TMPRSS15: variants seen among roughly 807,000 people sequenced by gnomAD.
The protein encoded by TMPRSS15 is transmembrane serine protease 15.
A neutral mutation model predicts 125.3 loss-of-function variants in TMPRSS15; 128 were observed. That is an observed-to-expected ratio of 1.02 (90% CI 0.89 to 1.18). The LOEUF (loss-of-function observed/expected upper bound fraction) is 1.18. Ranked by LOEUF, TMPRSS15 falls within the 50% of genes most tolerant of loss-of-function variation. The pLI, the probability that TMPRSS15 is intolerant of heterozygous loss-of-function variation, is 0.00. For synonymous variants in TMPRSS15, 446 were observed against 423.2 expected, an observed-to-expected ratio of 1.05 and a Z score of -0.66; for missense variants, 1,283 against 1,212.7, an observed-to-expected ratio of 1.06 and a Z score of -0.86.
At chr21:18,323,379 G>A (rs1228882893) in intron 16 of TMPRSS15, among the ~76,000 whole-genome samples, 2 of 152,128 alleles carry the variant, frequency 1.3e-5, no homozygotes, top group Non-Finnish European at 2.9e-5. Context: ...CATGGCAGCA[G>A]GCAAGAGAGA....
intron 3 of TMPRSS15, among the ~76,000 whole-genome samples, chr21:18,391,016 C>G (rs2075985996): frequency 1.3e-5 from 2 of 152,254 alleles, no homozygotes; most frequent in South Asian, 4.1e-4. Context: ...AACTCACACA[C>G]TGTCATGAGA....
In TMPRSS15 at chr21:18,352,907, A is replaced by G; in HGVS notation, c.1167T>C (p.Ala389=). The change falls in exon 10 of 25, where the codon GCT becomes GCC. Residue 389 remains alanine (A), a synonymous_variant. Coordinates refer to ENST00000284885, the MANE Select transcript of TMPRSS15 (RefSeq NM_002772.3). ...TCTGAATTAAATGAATTATACCTGAAGCATTGCCAAAAGTGTGGTCAAAAT... is the reference window on the plus strand; with the variant it reads ...TCTGAATTAAATGAATTATACCTGAGGCATTGCCAAAAGTGTGGTCAAAAT... ...GPNFDHTFGN[A]SGFYISTPTG... is the part of the protein sequence containing the mutation. 1 of 1,612,182 alleles carries G rather than the reference A, an allele frequency of 6.2e-7. No individual in the cohort carries two copies. Among genetic ancestry groups the G allele is most frequent in the Non-Finnish European group, 8.5e-7 (1 of 1,178,670 alleles).
chr21:18,320,218 T>C (rs1459175069), intron 16 of TMPRSS15, among the ~76,000 whole-genome samples: 1 of 152,098 alleles, frequency 6.6e-6, no homozygotes, highest in African/African-American at 2.4e-5. Flanking sequence ...GAAGTGTTTG[T>C]ATTCATATAT....
At chr21:18,470,173 G>GTTA (rs1476086064) in intron 1 of TMPRSS15, among the ~76,000 whole-genome samples, 2 of 152,012 alleles carry the variant, frequency 1.3e-5, no homozygotes, top group African/African-American at 4.8e-5. Flanking sequence ...TAATGAAGGT[G>GTTA]TTACTAAGGC....
intron 10 of TMPRSS15, among the ~76,000 whole-genome samples, chr21:18,346,417 A>T (rs1204141800): frequency 6.6e-6 from 1 of 152,142 alleles, no homozygotes; most frequent in Non-Finnish European, 1.5e-5. Context: ...ACCTATTATA[A>T]CTAATTTTGC....
At chr21:18,411,035 A>G (rs2076164770) in intron 1 of TMPRSS15, among the ~76,000 whole-genome samples, 1 of 152,172 alleles carries the variant, frequency 6.6e-6, no homozygotes. Context: ...ACAGAAGGAT[A>G]CAAGAAAACT....
intron 1 of TMPRSS15, among the ~76,000 whole-genome samples, chr21:18,412,351 C>T (rs997575570): frequency 5.3e-5 from 8 of 152,278 alleles, no homozygotes; most frequent in East Asian, 1.9e-4. Flanking sequence ...TTTCCACATC[C>T]GCTTGCTAAG....
At chr21:18,451,116 G>T (rs1978333769) in intron 1 of TMPRSS15, among the ~76,000 whole-genome samples, 1 of 151,514 alleles carries the variant, frequency 6.6e-6, no homozygotes. Flanking sequence ...TTTCAGATGT[G>T]GTGTTTTGTT....
At chr21:18,460,272 G>T (rs1245253904) in intron 1 of TMPRSS15, among the ~76,000 whole-genome samples, 1 of 152,080 alleles carries the variant, frequency 6.6e-6, no homozygotes, top group Non-Finnish European at 1.5e-5. Flanking sequence ...AGTCTTAGCA[G>T]TAGGTTTTTT....
chr21:18,383,806 A>G (rs761365188), intron 3 of TMPRSS15, 28 bp from the exon 4 acceptor site: 3 of 1,607,938 alleles, frequency 1.9e-6, no homozygotes, highest in African/African-American at 2.7e-5. Context: ...ATATAAGAGG[A>G]AAAAGTCAGC....
intron 13 of TMPRSS15, among the ~76,000 whole-genome samples, chr21:18,333,067 G>A (rs973583382): frequency 3.3e-5 from 5 of 152,124 alleles, no homozygotes; most frequent in Non-Finnish European, 7.4e-5. Context: ...CACACAGAGG[G>A]AAACAACACA....
chr21:18,294,775 T>G, intron 19 of TMPRSS15, 123 bp from the exon 20 acceptor site: 1 of 837,654 alleles, frequency 1.2e-6, no homozygotes, highest in South Asian at 1.5e-5. Flanking sequence ...ATATATGAAA[T>G]GTAGGGAGAC....
At chr21:18,304,114 T>C (rs2075004295) in intron 18 of TMPRSS15, among the ~76,000 whole-genome samples, 1 of 152,180 alleles carries the variant, frequency 6.6e-6, no homozygotes, top group African/African-American at 2.4e-5. Context: ...CTCCATTTGA[T>C]TTCATCTATG....
At chr21:18,352,144 A>G (rs1016133837) in intron 10 of TMPRSS15, among the ~76,000 whole-genome samples, 1 of 152,000 alleles carries the variant, frequency 6.6e-6, no homozygotes, top group African/African-American at 2.4e-5. Flanking sequence ...TATATTTGGT[A>G]TTATGAATAT....
chr21:18,438,806 T>C (rs1028493047), intron 1 of TMPRSS15, among the ~76,000 whole-genome samples: 1 of 152,194 alleles, frequency 6.6e-6, no homozygotes, highest in Admixed American at 6.5e-5. Context: ...AAATTATGAA[T>C]CAGAAAACTT....
chr21:18,426,219 A>C (rs2076202359), intron 1 of TMPRSS15, among the ~76,000 whole-genome samples: 1 of 151,924 alleles, frequency 6.6e-6, no homozygotes, highest in Non-Finnish European at 1.5e-5. Flanking sequence ...CTTAATCCTC[A>C]TGTGTTCTAT....
chr21:18,409,711 A>G (rs993941022), intron 1 of TMPRSS15, among the ~76,000 whole-genome samples: 2 of 152,132 alleles, frequency 1.3e-5, no homozygotes, highest in African/African-American at 4.8e-5. Flanking sequence ...TCTTCAACTC[A>G]TTTATTAAGT....
chr21:18,334,525 T>C (rs1463108794), intron 13 of TMPRSS15, among the ~76,000 whole-genome samples: 1 of 152,102 alleles, frequency 6.6e-6, no homozygotes, highest in African/African-American at 2.4e-5. Context: ...ATATTAAGGA[T>C]TTTTTGGATT....
chr21:18,383,752 T>C lies in TMPRSS15; in HGVS notation c.371A>G (p.Asp124Gly), dbSNP rs2075915896. 3 of 1,613,674 alleles carry C rather than the reference T, an allele frequency of 1.9e-6. No individual in the cohort carries two copies. The highest frequency in any genetic ancestry group is 1.6e-4 in the Middle Eastern group (1 of 6,062). ...FENGSIIVVF[D>G]LFFAQWVSDE... ...TGACACCCACTGGGCAAAGAAAAGGTCAAATACGACTATAATGCTGCCATT... is the reference window on the plus strand; with the variant it reads ...TGACACCCACTGGGCAAAGAAAAGGCCAAATACGACTATAATGCTGCCATT... The change falls in exon 4 of 25, where the codon GAC becomes GGC. Residue 124 changes from aspartate to glycine, a missense_variant. Transcript: ENST00000284885.
Sources: allele counts gnomAD v4.1 joint callset (sites outside exome capture counted in the v4.1 genomes callset), GRCh38; gene constraint gnomAD v4.1.1; transcripts MANE v1.5; gene names NCBI Gene and HGNC (gene_info 2026-07-23, HGNC 2026-07-21).